Variants in LIMCH1 observed in about 807,000 individuals in gnomAD.
The protein encoded by LIMCH1 is LIM and calponin homology domains-containing protein 1.
A neutral mutation model predicts 176.5 loss-of-function variants in LIMCH1; 113 were observed. That is an observed-to-expected ratio of 0.64 (90% confidence interval 0.55 to 0.75). The LOEUF (loss-of-function observed/expected upper bound fraction) is 0.75, where lower values mean the gene tolerates loss of function less well. LIMCH1 is among the 30% of genes least tolerant of loss of function. The probability of loss-of-function intolerance (pLI) is 0.00; values close to 1 mark genes in which losing one functional copy is unlikely to be tolerated. For missense variants in LIMCH1, 1,674 were observed against 1,814.9 expected, an observed-to-expected ratio of 0.92 and a Z score of 1.41; for synonymous variants, 619 against 645.9, an observed-to-expected ratio of 0.96 and a Z score of 0.63.
intron 7 of LIMCH1, among the ~76,000 whole-genome samples, chr4:41,621,849 C>A (rs1230167978): frequency 6.6e-6 from 1 of 152,158 alleles, no homozygotes; most frequent in Non-Finnish European, 1.5e-5. Context: ...GACCACAGCA[C>A]CACATCTGCC....
At chr4:41,480,672 G>A (rs1243446538) in intron 1 of LIMCH1, among the ~76,000 whole-genome samples, 2 of 152,252 alleles carry the variant, frequency 1.3e-5, no homozygotes, top group East Asian at 3.9e-4. Context: ...ATAACACTGT[G>A]GTCAAAGCAC....
intron 21 of LIMCH1, among the ~76,000 whole-genome samples, chr4:41,669,171 T>A (rs2094930382): frequency 1.3e-5 from 2 of 152,164 alleles, no homozygotes; most frequent in Admixed American, 6.6e-5. Context: ...ACCCATCAGA[T>A]TTCCCCTAAT....
chr4:41,566,473 G>C (rs2082788355), intron 1 of LIMCH1, among the ~76,000 whole-genome samples: 4 of 152,192 alleles, frequency 2.6e-5, no homozygotes, highest in African/African-American at 9.7e-5. Flanking sequence ...ATGTGGGGAA[G>C]AGATAGGCCT....
At chr4:41,584,570 A>C (rs1024097123) in intron 1 of LIMCH1, among the ~76,000 whole-genome samples, 1 of 152,232 alleles carries the variant, frequency 6.6e-6, no homozygotes, top group African/African-American at 2.4e-5. Flanking sequence ...AAACATTATG[A>C]ACTCTCAAGT....
chr4:41,609,654 A>G (rs1350239929), intron 4 of LIMCH1: 1 of 455,868 alleles, frequency 2.2e-6, no homozygotes, highest in Non-Finnish European at 4.4e-6. Context: ...GATAGGAGGA[A>G]GATGAGTAAA....
At chr4:41,402,403 T>TG (rs2058541744) in intron 1 of LIMCH1, among the ~76,000 whole-genome samples, 1 of 150,492 alleles carries the variant, frequency 6.6e-6, no homozygotes, top group African/African-American at 2.5e-5. Flanking sequence ...TCAACCATTG[T>TG]GGAAGTCAGT....
At position 41,650,300 on chromosome 4, in the gene LIMCH1, T is replaced by C. The variant is rs578135686; in HGVS notation, c.2821-93T>C. ...TCATTGGACTCTGGTTATTAAATGA[T>C]GATCTTTTGAGGTAATTCTGAACGT... is the stretch of plus-strand genomic sequence containing the variant. On this transcript the variant is annotated intron_variant, in intron 17 of 31. Coordinates refer to ENST00000503057, the MANE Select transcript of LIMCH1 (RefSeq NM_001330672.2). The C allele has an allele frequency of 2.1e-5, 18 of 860,440 alleles. No homozygotes were observed. The East Asian group carries it at 4.5e-4, about 21-fold the overall frequency. The allele number at this position is 860,440 out of a possible 1,614,324, so 53.3% of individuals were successfully genotyped here.
intron 1 of LIMCH1, among the ~76,000 whole-genome samples, chr4:41,449,611 G>C (rs1039889872): frequency 1.3e-5 from 2 of 151,990 alleles, no homozygotes; most frequent in African/African-American, 4.8e-5. Context: ...TCTTCCTAGG[G>C]ATAGATTCCT....
intron 1 of LIMCH1, 27 bp downstream of exon 1, chr4:41,538,377 T>C: frequency 1.0e-6 from 1 of 979,236 alleles, no homozygotes; most frequent in Non-Finnish European, 1.2e-6. Flanking sequence ...ATAAAAGAAA[T>C]ACATGCTTAG....
chr4:41,619,353 C>A lies in LIMCH1; in HGVS notation c.371C>A (p.Pro124His). The part of the protein sequence containing the change: ...KSNQTAYVPA[P>H]LRKKKAEREE... ...AATCAGACGGCCTACGTCCCCGCGC[C>A]TCTGAGAAAGAAGAAAGCAGAGAGA... is the stretch of plus-strand genomic sequence containing the variant. The change falls in exon 6 of 32, where the codon CCT (proline) becomes CAT (histidine). Residue 124 changes from proline (P) to histidine (H), a missense_variant. This residue lies in a region of LIMCH1 where 655 missense variants were observed against 692.2 expected (regional missense o/e 0.95). Coordinates refer to ENST00000503057, the MANE Select transcript of LIMCH1 (RefSeq NM_001330672.2). 1.2e-6 allele frequency: 2 copies of A among 1,614,182 alleles called. No individual in the cohort carries two copies. The highest frequency in any genetic ancestry group is 1.7e-6 in the Non-Finnish European group (2 of 1,180,034).
intron 22 of LIMCH1, among the ~76,000 whole-genome samples, chr4:41,674,348 A>T (rs534309079): frequency 6.0e-4 from 91 of 152,226 alleles, no homozygotes; most frequent in Non-Finnish European, 1.3e-3. Context: ...TCACATAAAC[A>T]TCCCCTTTTC....
chr4:41,668,656 A>G (rs1238840559), intron 21 of LIMCH1, among the ~76,000 whole-genome samples: 1 of 152,228 alleles, frequency 6.6e-6, no homozygotes, highest in African/African-American at 2.4e-5. Flanking sequence ...TGTATTCTTT[A>G]AGATAGAATT....
At chr4:41,379,642 G>A (rs2055329665) in intron 1 of LIMCH1, among the ~76,000 whole-genome samples, 1 of 152,104 alleles carries the variant, frequency 6.6e-6, no homozygotes, top group African/African-American at 2.4e-5. Flanking sequence ...ACTGTAACTG[G>A]TCATTTATCA....
chr4:41,672,411 A>T (rs958182848), intron 22 of LIMCH1, among the ~76,000 whole-genome samples: 1 of 152,206 alleles, frequency 6.6e-6, no homozygotes, highest in Non-Finnish European at 1.5e-5. Context: ...AAGAATTAGT[A>T]TTAAAACTGA....
intron 28 of LIMCH1, among the ~76,000 whole-genome samples, chr4:41,686,704 G>T (rs1323385179): frequency 1.3e-5 from 2 of 152,286 alleles, no homozygotes; most frequent in East Asian, 1.9e-4. Flanking sequence ...ACCTCATAGG[G>T]TTTTGTGCCT....
At chr4:41,566,435 G>A (rs1211965162) in intron 1 of LIMCH1, among the ~76,000 whole-genome samples, 1 of 147,442 alleles carries the variant, frequency 6.8e-6, no homozygotes, top group Non-Finnish European at 1.5e-5. Context: ...AGCTTTGAGT[G>A]AGGTTTTGAA....
chr4:41,512,872 T>C (rs1295440220), intron 2 of LIMCH1, among the ~76,000 whole-genome samples: 1 of 152,216 alleles, frequency 6.6e-6, no homozygotes, highest in African/African-American at 2.4e-5. Flanking sequence ...TATTGAATTC[T>C]ACATTTTCAG....
chr4:41,419,343 A>G (rs1484231870), intron 1 of LIMCH1, among the ~76,000 whole-genome samples: 2 of 151,594 alleles, frequency 1.3e-5, no homozygotes, highest in African/African-American at 4.8e-5. Flanking sequence ...ACATCCTGCT[A>G]ATTTTTGTAT....
chr4:41,535,284 A>T (rs984993854), upstream of LIMCH1, among the ~76,000 whole-genome samples: 7 of 151,872 alleles, frequency 4.6e-5, no homozygotes, highest in African/African-American at 1.7e-4. Flanking sequence ...CTGATATTTC[A>T]TTCTTAGTAC....
Sources: gnomAD v4.1 joint callset for allele counts (sites outside exome capture counted in the v4.1 genomes callset) on GRCh38, gnomAD v4.1.1 for gene constraint, gnomAD v4.1.1 regional missense constraint, MANE v1.5 for transcripts, NCBI Gene and HGNC (gene_info 2026-07-23, HGNC 2026-07-21) for gene names.